Variants in SUPT3H observed in about 807,000 individuals in gnomAD.
The protein encoded by SUPT3H is transcription initiation protein SPT3 homolog.
A neutral mutation model predicts 44.3 loss-of-function variants in SUPT3H; 44 were observed. The ratio of observed to expected loss-of-function variants is 0.99; its 90% CI spans 0.78 to 1.28. SUPT3H has a LOEUF of 1.28. Among genes scored for constraint, SUPT3H ranks in the 50% most tolerant of loss-of-function variants. SUPT3H has a pLI of 0.00. For missense variants in SUPT3H, 380 were observed against 387.1 expected (o/e 0.98, Z 0.15); for synonymous variants, 124 against 125.6 (o/e 0.99, Z 0.09).
intron 2 of SUPT3H, among the ~76,000 whole-genome samples, chr6:45,184,772 GAGGAAAAAAAAAAAAA>G (rs1363633436): frequency 1.0e-5 from 1 of 98,700 alleles, no homozygotes; most frequent in Non-Finnish European, 2.1e-5. Flanking sequence ...CCAACAGGCA[GAGGAAAAAAAAAAAAA>G]AAAAAAAAAA....
chr6:45,010,697 T>C (rs1783364013), intron 5 of SUPT3H, among the ~76,000 whole-genome samples: 1 of 152,080 alleles, frequency 6.6e-6, no homozygotes, highest in African/African-American at 2.4e-5. Flanking sequence ...ACAAACTTTC[T>C]TGTGTCTCTT....
At chr6:45,303,716 CG>C (rs1562917749) in intron 2 of SUPT3H, among the ~76,000 whole-genome samples, 1 of 150,784 alleles carries the variant, frequency 6.6e-6, no homozygotes, top group African/African-American at 2.4e-5. Context: ...AAAGCCAGGC[CG>C]GGCACAGTGG....
At chr6:45,132,823 T>C (rs1803678372) in intron 2 of SUPT3H, among the ~76,000 whole-genome samples, 1 of 152,168 alleles carries the variant, frequency 6.6e-6, no homozygotes, top group South Asian at 2.1e-4. Flanking sequence ...ATAACAGAAA[T>C]GATCTAATTC....
intron 3 of SUPT3H, among the ~76,000 whole-genome samples, chr6:45,068,977 CA>C (rs367995110): frequency 1.8e-3 from 195 of 111,078 alleles, no homozygotes; most frequent in Middle Eastern, 5.4e-3. Flanking sequence ...TTTTACTTTG[CA>C]AAAAAAAAAA....
At chr6:45,367,827 C>T (rs1795403409) in intron 1 of SUPT3H, among the ~76,000 whole-genome samples, 1 of 152,134 alleles carries the variant, frequency 6.6e-6, no homozygotes, top group East Asian at 1.9e-4. Flanking sequence ...CCATGATCAT[C>T]CTTTCACAGT....
At chr6:45,025,352 C>T (rs1785805383) in intron 3 of SUPT3H, among the ~76,000 whole-genome samples, 1 of 152,160 alleles carries the variant, frequency 6.6e-6, no homozygotes, top group Admixed American at 6.5e-5. Context: ...ACACTCCTGC[C>T]TCCCAAATTT....
intron 2 of SUPT3H, among the ~76,000 whole-genome samples, chr6:45,280,014 T>C (rs958345004): frequency 6.6e-6 from 1 of 152,218 alleles, no homozygotes; most frequent in Admixed American, 6.5e-5. Flanking sequence ...TAACTCCAGC[T>C]TTATTTTCAA....
chr6:45,060,165 G>A (rs1791759181), intron 3 of SUPT3H, among the ~76,000 whole-genome samples: 2 of 152,022 alleles, frequency 1.3e-5, no homozygotes, highest in South Asian at 4.1e-4. Flanking sequence ...AAAGAACAAA[G>A]CTGAAGGCAT....
At chr6:44,898,490 C>A (rs552508788) in intron 10 of SUPT3H, among the ~76,000 whole-genome samples, 1 of 152,224 alleles carries the variant, frequency 6.6e-6, no homozygotes. Context: ...TGGCTGACAT[C>A]TGACTGCAAC....
chr6:44,933,133 G>GT (rs1770861117), intron 9 of SUPT3H, among the ~76,000 whole-genome samples: 1 of 151,990 alleles, frequency 6.6e-6, no homozygotes, highest in Non-Finnish European at 1.5e-5. Flanking sequence ...TATTATAAAC[G>GT]TTTCTTAGGA....
At chr6:44,885,740 C>T (rs538563275) in intron 10 of SUPT3H, among the ~76,000 whole-genome samples, 8 of 152,298 alleles carry the variant, frequency 5.3e-5, no homozygotes, top group African/African-American at 1.7e-4. Flanking sequence ...CAGTTCCTCA[C>T]CAGCAACGGA....
intron 2 of SUPT3H, among the ~76,000 whole-genome samples, chr6:45,358,895 CAG>C (rs918934756): frequency 1.3e-5 from 2 of 152,092 alleles, no homozygotes; most frequent in Non-Finnish European, 2.9e-5. Context: ...TAGTTCAGAA[CAG>C]AGACTGCCAC....
At chr6:45,053,450 G>A (rs1790621453) in intron 3 of SUPT3H, among the ~76,000 whole-genome samples, 2 of 152,056 alleles carry the variant, frequency 1.3e-5, no homozygotes, top group South Asian at 4.2e-4. Flanking sequence ...CCCAAAATAT[G>A]GCACTTCAGC....
rs540400477 is a variant in SUPT3H, at chr6:44,989,763, A to G, written c.504+13890T>C. Among the ~76,000 whole-genome samples, 13 of 152,206 alleles carry G rather than the reference A, an allele frequency of 8.5e-5. No homozygotes were observed. The East Asian group carries it at 1.9e-3, about 23-fold the overall frequency. On this transcript the variant is annotated intron_variant, in intron 6 of 10. Transcript: ENST00000371459. ...TCCCTGATGATTAGTACTGTTAAGC[A>G]TCTTTTCATATACTTGTTAGCCATT...
chr6:44,967,557 T>C (rs1776945684), intron 6 of SUPT3H, among the ~76,000 whole-genome samples: 1 of 152,242 alleles, frequency 6.6e-6, no homozygotes, highest in Non-Finnish European at 1.5e-5. Flanking sequence ...TCATTTGCCC[T>C]GTCTATACCA....
At chr6:45,041,848 A>T (rs1287765490) in intron 3 of SUPT3H, among the ~76,000 whole-genome samples, 1 of 152,164 alleles carries the variant, frequency 6.6e-6, no homozygotes, top group African/African-American at 2.4e-5. Context: ...CCTCATTTCA[A>T]ATATTGGATA....
At chr6:45,153,365 T>C (rs1349217303) in intron 2 of SUPT3H, among the ~76,000 whole-genome samples, 1 of 152,148 alleles carries the variant, frequency 6.6e-6, no homozygotes, top group Non-Finnish European at 1.5e-5. Flanking sequence ...ATTAGTCCCT[T>C]AATAGGGACA....
chr6:45,109,310 T>G (rs1001198485), intron 2 of SUPT3H, among the ~76,000 whole-genome samples: 1 of 152,208 alleles, frequency 6.6e-6, no homozygotes, highest in Non-Finnish European at 1.5e-5. Context: ...TGAATAAGGT[T>G]TTCCTTCCAT....
rs369105414 is a variant in SUPT3H, at chr6:44,812,283, TCA to T, written c.*53-2784_*53-2783del. Among the ~76,000 whole-genome samples, 873 of 152,298 alleles carry T rather than the reference TCA, an allele frequency of 5.7e-3. 22 individuals carry two copies. In the South Asian group the frequency reaches 0.082, roughly 14 times the overall value. ...TGTTCATTCAGATTGTTGGGAGAAC[TCA>T]GTTTCTGTTTCTTCAGTACCAAGGT... On this transcript the variant is annotated intron_variant and NMD_transcript_variant, in intron 11 of 11. Coordinates refer to the SUPT3H transcript ENST00000475057.
Sources: allele counts gnomAD v4.1 joint callset (sites outside exome capture counted in the v4.1 genomes callset), GRCh38; gene constraint gnomAD v4.1.1; transcripts MANE v1.5; gene names NCBI Gene and HGNC (gene_info 2026-07-23, HGNC 2026-07-21).